HEMK2: variants seen among roughly 807,000 people sequenced by gnomAD.
The protein encoded by HEMK2 is methyltransferase HEMK2.
the HEMK2 span, among the ~76,000 whole-genome samples, chr21:28,859,512 C>T: frequency 4.1e-4 from 63 of 152,278 alleles, no homozygotes; most frequent in African/African-American, 1.4e-3. Flanking sequence ...GTCTTTTAAC[C>T]ACTGCCTTAA....
the HEMK2 span, among the ~76,000 whole-genome samples, chr21:28,687,518 T>C: frequency 7.9e-5 from 12 of 152,216 alleles, no homozygotes; most frequent in African/African-American, 2.9e-4. Context: ...AAGTATGATG[T>C]ACATGTCAGC....
the HEMK2 span, among the ~76,000 whole-genome samples, chr21:28,689,555 A>G: frequency 6.6e-6 from 1 of 152,184 alleles, no homozygotes; most frequent in African/African-American, 2.4e-5. Flanking sequence ...AACACATAAA[A>G]CAACACAAAA....
At chr21:28,797,387 G>A in the HEMK2 span, among the ~76,000 whole-genome samples, 25 of 150,706 alleles carry the variant, frequency 1.7e-4, no homozygotes, top group African/African-American at 3.4e-4. Context: ...CTTGAGCCCA[G>A]AAGATGGAGC....
the HEMK2 span, among the ~76,000 whole-genome samples, chr21:28,611,190 T>C: frequency 3.9e-5 from 6 of 152,174 alleles, no homozygotes; most frequent in South Asian, 1.0e-3. Flanking sequence ...ATCAAAACTA[T>C]AGCAAGTACT....
chr21:28,837,928 T>A, the HEMK2 span, among the ~76,000 whole-genome samples: 1 of 151,892 alleles, frequency 6.6e-6, no homozygotes, highest in South Asian at 2.1e-4. Flanking sequence ...ACACATAAAC[T>A]AGAAAACCCA....
the HEMK2 span, among the ~76,000 whole-genome samples, chr21:28,576,070 A>G: frequency 6.6e-6 from 1 of 152,184 alleles, no homozygotes; most frequent in South Asian, 2.1e-4. Context: ...TAAATTTTTT[A>G]TGAGTATATG....
At chr21:28,652,452 C>T in the HEMK2 span, among the ~76,000 whole-genome samples, 46,301 of 151,674 alleles carry the variant, frequency 0.31, 7,716 homozygotes, top group East Asian at 0.46. Flanking sequence ...TCCTTCCTTC[C>T]TCCCTCCCTC....
At chr21:28,698,170 C>A in the HEMK2 span, among the ~76,000 whole-genome samples, 1 of 152,138 alleles carries the variant, frequency 6.6e-6, no homozygotes, top group Non-Finnish European at 1.5e-5. Flanking sequence ...AGGAAACACA[C>A]GAAGATTCAG....
chr21:28,667,236 T>A, the HEMK2 span, among the ~76,000 whole-genome samples: 1 of 152,210 alleles, frequency 6.6e-6, no homozygotes, highest in South Asian at 2.1e-4. Context: ...TCATGGAATA[T>A]ATAAACATGT....
At chr21:28,582,538 G>T in the HEMK2 span, among the ~76,000 whole-genome samples, 1 of 152,194 alleles carries the variant, frequency 6.6e-6, no homozygotes, top group South Asian at 2.1e-4. Flanking sequence ...AAGTTCTGCA[G>T]AGGGTCTGCC....
At chr21:28,599,637 A>T in the HEMK2 span, among the ~76,000 whole-genome samples, 1 of 152,118 alleles carries the variant, frequency 6.6e-6, no homozygotes, top group African/African-American at 2.4e-5. Flanking sequence ...AAAACCAATC[A>T]TGTCTTCCCA....
the HEMK2 span, among the ~76,000 whole-genome samples, chr21:28,866,636 G>A: frequency 6.6e-6 from 1 of 151,952 alleles, no homozygotes; most frequent in African/African-American, 2.4e-5. Flanking sequence ...GGGAGGCTGA[G>A]GCATGAGAAT....
At chr21:28,582,556 T>C in the HEMK2 span, among the ~76,000 whole-genome samples, 1 of 152,192 alleles carries the variant, frequency 6.6e-6, no homozygotes, top group Non-Finnish European at 1.5e-5. Context: ...GCCAGGGCTC[T>C]CAGTCTTAGA....
the HEMK2 span, among the ~76,000 whole-genome samples, chr21:28,600,748 GCACCCAAGT>G: frequency 6.6e-6 from 1 of 152,054 alleles, no homozygotes; most frequent in African/African-American, 2.4e-5. Flanking sequence ...ACTTTTAACA[GCACCCAAGT>G]CACCTCTTGG....
chr21:28,859,031 T>C, the HEMK2 span, among the ~76,000 whole-genome samples: 1 of 152,198 alleles, frequency 6.6e-6, no homozygotes, highest in African/African-American at 2.4e-5. Context: ...GTAAATTAAT[T>C]AAAAAATAAC....
the HEMK2 span, among the ~76,000 whole-genome samples, chr21:28,684,301 A>G: frequency 6.6e-6 from 1 of 152,230 alleles, no homozygotes; most frequent in Admixed American, 6.5e-5. Flanking sequence ...AAGGAATGTC[A>G]ATGCAGGCAA....
chr21:28,720,771 A>G, the HEMK2 span, among the ~76,000 whole-genome samples: 1 of 152,204 alleles, frequency 6.6e-6, no homozygotes, highest in South Asian at 2.1e-4. Context: ...GGAGGTTTTG[A>G]TGGGCTCCAC....
chr21:28,763,664 G>C, the HEMK2 span, among the ~76,000 whole-genome samples: 1 of 152,106 alleles, frequency 6.6e-6, no homozygotes, highest in Non-Finnish European at 1.5e-5. Flanking sequence ...CCTAAGTGAT[G>C]GAGGTGTGGA....
the HEMK2 span, among the ~76,000 whole-genome samples, chr21:28,834,912 G>A: frequency 6.6e-6 from 1 of 152,000 alleles, no homozygotes; most frequent in Non-Finnish European, 1.5e-5. Context: ...CTCAGCAGAG[G>A]CAGCCATAAT....
Sources: allele counts gnomAD v4.1 joint callset (sites outside exome capture counted in the v4.1 genomes callset), GRCh38; gene constraint gnomAD v4.1.1; transcripts MANE v1.5; gene names NCBI Gene and HGNC (gene_info 2026-07-23, HGNC 2026-07-21).